The following DNAI4 variants were observed in gnomAD, a reference collection of about 807,000 sequenced individuals.
DNAI4 encodes the protein dynein axonemal intermediate chain 4.
DNAI4 carries 85 observed loss-of-function variants against 105.8 expected under a neutral mutation model. The observed-to-expected ratio is 0.80, with a 90% CI of 0.67 to 0.96. The LOEUF is 0.96. Among genes scored for constraint, DNAI4 ranks in the 40% least tolerant of loss-of-function variants. The pLI, the probability that DNAI4 is intolerant of heterozygous loss-of-function variation, is 0.00. For missense variants in DNAI4, 1,014 were observed against 1,005.6 expected (o/e 1.01, Z -0.11); for synonymous variants, 352 against 331.5 (o/e 1.06, Z -0.67).
At position 66,822,417 on chromosome 1, in the gene DNAI4, C is replaced by T; in HGVS notation, c.2440G>A (p.Gly814Arg). 6.2e-7 allele frequency: 1 copy of T among 1,613,406 alleles called. No homozygotes were observed. Among genetic ancestry groups the T allele is most frequent in the Non-Finnish European group, 8.5e-7 (1 of 1,179,750 alleles). ...CTCAGTTCATACACAGAAACCTGTC[C>T]ATCACTGTCTCCTACCAGAAGGCAA... ...TDCLLVGDSD[G>R]QVSVYELRNM... The change falls in exon 16 of 17, where the codon GGA becomes AGA. Residue 814 changes from glycine to arginine, a missense_variant. Gly to Arg is a moderately radical substitution (Grantham distance 125). Transcript: ENST00000371026.
chr1:66,887,658 C>T (rs1429911748), intron 4 of DNAI4, among the ~76,000 whole-genome samples: 1 of 152,080 alleles, frequency 6.6e-6, no homozygotes, highest in African/African-American at 2.4e-5. Flanking sequence ...AGGATCATCA[C>T]TTCCTAGTTA....
chr1:66,867,060 C>T (rs1363203459), intron 6 of DNAI4, among the ~76,000 whole-genome samples: 5 of 152,104 alleles, frequency 3.3e-5, no homozygotes, highest in East Asian at 3.8e-4. Flanking sequence ...TAACCACCCC[C>T]GTGATTCAAT....
chr1:66,891,706 T>C (rs914386846), intron 3 of DNAI4, among the ~76,000 whole-genome samples: 4 of 152,300 alleles, frequency 2.6e-5, no homozygotes, highest in African/African-American at 9.6e-5. Context: ...TCAGGTGATC[T>C]GCCCACCTCG....
intron 15 of DNAI4, among the ~76,000 whole-genome samples, chr1:66,825,884 C>T (rs1369119391): frequency 6.6e-6 from 1 of 152,104 alleles, no homozygotes; most frequent in African/African-American, 2.4e-5. Context: ...TTCTTTCAAA[C>T]AAGAATTTAT....
chr1:66,835,897 C>T, intron 10 of DNAI4, 120 bp from the exon 11 acceptor site: 1 of 784,672 alleles, frequency 1.3e-6, no homozygotes, highest in Non-Finnish European at 2.1e-6. Context: ...AGCCCACATT[C>T]AGTTACTTCT....
intron 16 of DNAI4, among the ~76,000 whole-genome samples, chr1:66,821,091 CTTTTTTTTTTTT>C (rs55811909): frequency 3.7e-5 from 3 of 80,324 alleles, no homozygotes; most frequent in Admixed American, 1.7e-4. Context: ...AAACATTTCT[CTTTTTTTTTTTT>C]TTTTTTTTTT....
At chr1:66,896,111 A>T (rs1648316082) in intron 2 of DNAI4, among the ~76,000 whole-genome samples, 1 of 152,162 alleles carries the variant, frequency 6.6e-6, no homozygotes. Context: ...TTCTGTTTTC[A>T]TCTATGTATG....
chr1:66,917,848 G>T (rs1650179926), intron 1 of DNAI4, among the ~76,000 whole-genome samples: 1 of 152,212 alleles, frequency 6.6e-6, no homozygotes, highest in Non-Finnish European at 1.5e-5. Context: ...GGCTTTGACT[G>T]AAATAGTGTG....
chr1:66,866,542 AACT>A (rs976272291), intron 6 of DNAI4, among the ~76,000 whole-genome samples: 1 of 152,132 alleles, frequency 6.6e-6, no homozygotes, highest in African/African-American at 2.4e-5. Context: ...TCCTTCTGGG[AACT>A]ACTATCACCT....
At chr1:66,876,831 A>G (rs269403) in intron 4 of DNAI4, among the ~76,000 whole-genome samples, 22,826 of 152,012 alleles carry the variant, frequency 0.15, 1,940 homozygotes, top group African/African-American at 0.23. Flanking sequence ...CTACACTCCT[A>G]AAGGTTCTTC....
At chr1:66,891,099 G>T in intron 4 of DNAI4, 55 bp downstream of exon 4, 4 of 1,254,690 alleles carry the variant, frequency 3.2e-6, no homozygotes, top group Non-Finnish European at 4.7e-6. Flanking sequence ...CCAATAATAA[G>T]CATATTGACT....
At chr1:66,878,026 T>C (rs549615063) in intron 4 of DNAI4, among the ~76,000 whole-genome samples, 2 of 152,248 alleles carry the variant, frequency 1.3e-5, no homozygotes, top group East Asian at 3.9e-4. Flanking sequence ...TTTTACATAT[T>C]GTACTGTTTA....
At chr1:66,852,468 G>T (rs1046379592) in intron 7 of DNAI4, among the ~76,000 whole-genome samples, 1 of 151,628 alleles carries the variant, frequency 6.6e-6, no homozygotes, top group Non-Finnish European at 1.5e-5. Context: ...AAAATCCTTA[G>T]CAAAATATTA....
chr1:66,840,668 G>A lies in DNAI4; in HGVS notation c.1295C>T (p.Pro432Leu). The A allele has an allele frequency of 6.2e-7, 1 of 1,613,966 alleles. No homozygotes were observed. Among genetic ancestry groups the A allele is most frequent in the Non-Finnish European group, 8.5e-7 (1 of 1,179,974 alleles). The change falls in exon 9 of 17, where the codon CCT becomes CTT. Residue 432 changes from proline to leucine, a missense_variant. By Grantham distance (98) the Pro-to-Leu change is moderately conservative (BLOSUM62 -3). Coordinates refer to ENST00000371026, the MANE Select transcript of DNAI4 (RefSeq NM_024763.5). ...AACATCTTCAGGCTCTTCAGGTTCA[G>A]GTTCTAAAGTTTAAACAAATAAAAA... Reference protein sequence around the residue: ...AYRQLPVLKEPEPEEPEDVLE... With the variant: ...AYRQLPVLKELEPEEPEDVLE...
At chr1:66,834,399 G>A (rs916315845) in intron 11 of DNAI4, among the ~76,000 whole-genome samples, 15 of 151,842 alleles carry the variant, frequency 9.9e-5, no homozygotes, top group Admixed American at 6.6e-5. Context: ...AACTATATTA[G>A]CTATCATAAC....
chr1:66,841,696 C>T (rs1183518384), intron 8 of DNAI4, among the ~76,000 whole-genome samples: 1 of 152,068 alleles, frequency 6.6e-6, no homozygotes. Flanking sequence ...TCTACATATG[C>T]CACATATGTG....
chr1:66,852,841 T>C (rs1646424695), intron 7 of DNAI4, among the ~76,000 whole-genome samples: 1 of 152,162 alleles, frequency 6.6e-6, no homozygotes, highest in Non-Finnish European at 1.5e-5. Context: ...TGAATGAGAT[T>C]AGTGTCCTGA....
intron 3 of DNAI4, among the ~76,000 whole-genome samples, chr1:66,892,790 C>G (rs908517848): frequency 3.3e-5 from 5 of 151,290 alleles, no homozygotes; most frequent in Non-Finnish European, 7.4e-5. Flanking sequence ...CGCCTGTAAT[C>G]CCAGCTACTT....
intron 6 of DNAI4, among the ~76,000 whole-genome samples, chr1:66,868,122 T>A (rs1452839154): frequency 6.6e-6 from 1 of 152,212 alleles, no homozygotes; most frequent in African/African-American, 2.4e-5. Context: ...TATTTAATAA[T>A]CTTTATACTC....
Sources: allele counts gnomAD v4.1 joint callset (sites outside exome capture counted in the v4.1 genomes callset), GRCh38; gene constraint gnomAD v4.1.1; transcripts MANE v1.5; gene names NCBI Gene and HGNC (gene_info 2026-07-23, HGNC 2026-07-21).